RBMS3: variants seen among roughly 807,000 people sequenced by gnomAD.
The protein encoded by RBMS3 is RNA-binding motif, single-stranded-interacting protein 3.
RBMS3 carries 27 observed loss-of-function variants against 66.8 expected under a neutral mutation model. The observed-to-expected ratio is 0.40, with a 90% CI of 0.30 to 0.56. RBMS3 has a LOEUF of 0.56. Among genes scored for constraint, RBMS3 ranks in the 20% least tolerant of loss-of-function variants. The pLI, the probability that RBMS3 is intolerant of heterozygous loss-of-function variation, is 0.40. For synonymous variants in RBMS3, 188 were observed against 183.0 expected (o/e 1.03, Z -0.22); for missense variants, 513 against 549.5 (o/e 0.93, Z 0.66).
intron 4 of RBMS3, among the ~76,000 whole-genome samples, chr3:29,713,189 G>T (rs1265560519): frequency 6.6e-6 from 1 of 151,842 alleles, no homozygotes; most frequent in Admixed American, 6.6e-5. Flanking sequence ...TCAATTGCAT[G>T]AAATTTCTCT....
At chr3:29,823,368 T>C (rs912065488) in intron 6 of RBMS3, among the ~76,000 whole-genome samples, 2 of 152,224 alleles carry the variant, frequency 1.3e-5, no homozygotes, top group Non-Finnish European at 2.9e-5. Context: ...CAGAAATATG[T>C]TTGTGAGATT....
At chr3:29,317,834 C>T (rs985749633) in intron 1 of RBMS3, among the ~76,000 whole-genome samples, 1 of 151,724 alleles carries the variant, frequency 6.6e-6, no homozygotes, top group African/African-American at 2.4e-5. Flanking sequence ...ACTCGTTTCA[C>T]CCACTCATGG....
chr3:29,402,350 C>G (rs549550662), intron 1 of RBMS3, among the ~76,000 whole-genome samples: 3 of 152,134 alleles, frequency 2.0e-5, no homozygotes, highest in African/African-American at 7.2e-5. Flanking sequence ...CAATTGCCCA[C>G]TTTAGAAATC....
intron 4 of RBMS3, among the ~76,000 whole-genome samples, chr3:29,606,284 A>T (rs1369115433): frequency 6.6e-6 from 1 of 151,960 alleles, no homozygotes; most frequent in Non-Finnish European, 1.5e-5. Context: ...TTGGAACCTG[A>T]TTCCCATCAA....
rs959478227 is a variant in RBMS3 at position 30,006,511 on chromosome 3, G to A, written c.*2649G>A. On this transcript the variant is annotated 3_prime_UTR_variant, in exon 15 of 15. Coordinates refer to ENST00000383767, the MANE Select transcript of RBMS3 (RefSeq NM_001003793.3). ...AAATGCTAGATTTATACTGTCTTTT[G>A]TTCCATCCTTCAGCTTCCCATGCAT... is the stretch of plus-strand genomic sequence containing the variant. The A allele has an allele frequency of 6.6e-6, 1 of 151,824 alleles. No homozygotes were observed. The highest frequency in any genetic ancestry group is 1.5e-5 in the Non-Finnish European group (1 of 67,834). The allele number at this position is 151,824 out of a possible 1,614,324, so 9.4% of individuals were successfully genotyped here. A position where few individuals can be genotyped will look rare whatever the true frequency, so the allele number is the denominator to read the frequency against.
intron 6 of RBMS3, among the ~76,000 whole-genome samples, chr3:29,775,407 A>T (rs1223185194): frequency 6.6e-6 from 1 of 151,962 alleles, no homozygotes; most frequent in Non-Finnish European, 1.5e-5. Context: ...ATTGTTTGAC[A>T]GAATATGTGA....
intron 3 of RBMS3, among the ~76,000 whole-genome samples, chr3:29,516,021 G>C (rs907057344): frequency 6.6e-6 from 1 of 152,180 alleles, no homozygotes; most frequent in African/African-American, 2.4e-5. Flanking sequence ...AGTTGAAGAG[G>C]ACATGGACCA....
chr3:29,289,499 T>C (rs906167726), intron 1 of RBMS3, among the ~76,000 whole-genome samples: 5 of 151,878 alleles, frequency 3.3e-5, no homozygotes, highest in Admixed American at 6.6e-5. Flanking sequence ...ATACATCAAA[T>C]GGTTAAAACA....
At chr3:29,461,366 C>T (rs376962299) in intron 2 of RBMS3, among the ~76,000 whole-genome samples, 1 of 152,198 alleles carries the variant, frequency 6.6e-6, no homozygotes, top group Non-Finnish European at 1.5e-5. Flanking sequence ...CCTTGCTCAC[C>T]CTTACCTTTG....
chr3:29,324,245 G>C (rs2125498078), intron 1 of RBMS3, among the ~76,000 whole-genome samples: 1 of 152,268 alleles, frequency 6.6e-6, no homozygotes, highest in Admixed American at 6.5e-5. Context: ...CACTGTGGCT[G>C]AGGGAAGAGG....
chr3:29,286,350 T>C (rs191979650), intron 1 of RBMS3, among the ~76,000 whole-genome samples: 1 of 152,028 alleles, frequency 6.6e-6, no homozygotes, highest in Non-Finnish European at 1.5e-5. Context: ...TTGAACACAA[T>C]CCCAGTGCAT....
At chr3:29,508,728 C>G (rs1052979701) in intron 3 of RBMS3, among the ~76,000 whole-genome samples, 6 of 151,766 alleles carry the variant, frequency 4.0e-5, no homozygotes, top group Non-Finnish European at 7.4e-5. Flanking sequence ...TACGGGATTA[C>G]TGGGTCAAAT....
intron 10 of RBMS3, among the ~76,000 whole-genome samples, chr3:29,933,211 T>C (rs571769447): frequency 3.8e-4 from 58 of 152,316 alleles, no homozygotes; most frequent in Middle Eastern, 3.4e-3. Context: ...GGCTTAAATA[T>C]ATTAAGTTGG....
intron 1 of RBMS3, among the ~76,000 whole-genome samples, chr3:29,294,182 A>G (rs2033057165): frequency 6.6e-6 from 1 of 151,834 alleles, no homozygotes; most frequent in South Asian, 2.1e-4. Flanking sequence ...TGTCTTGTAC[A>G]TTGGTCCATT....
Position 29,731,265 on chromosome 3 carries a change from C to T in RBMS3, c.400-8455C>T, listed in dbSNP as rs9817192. On this transcript the variant is annotated intron_variant, in intron 4 of 14. Transcript: ENST00000383767. ...GCTGACACTGTGCTTACATTATATCCGAAATAAGTAAATGCTTCTTTTTAA... is the reference window on the plus strand; with the variant it reads ...GCTGACACTGTGCTTACATTATATCTGAAATAAGTAAATGCTTCTTTTTAA... 6.6e-3 allele frequency among the ~76,000 whole-genome samples: 1,006 copies of T among 152,248 alleles called. 7 individuals are homozygous for T. Among genetic ancestry groups the T allele is most frequent in the African/African-American group, 0.02 (850 of 41,534 alleles).
At chr3:29,577,716 A>T (rs2047169515) in intron 3 of RBMS3, among the ~76,000 whole-genome samples, 1 of 152,136 alleles carries the variant, frequency 6.6e-6, no homozygotes, top group Admixed American at 6.5e-5. Context: ...TTTAATGTAA[A>T]GTCCCCCAGT....
At chr3:29,983,985 G>T (rs895133210) in intron 12 of RBMS3, among the ~76,000 whole-genome samples, 3 of 152,058 alleles carry the variant, frequency 2.0e-5, no homozygotes, top group African/African-American at 7.2e-5. Context: ...AGTTCTCCTG[G>T]ATAATATCCT....
chr3:29,736,422 T>C (rs1470893964), intron 4 of RBMS3, among the ~76,000 whole-genome samples: 2 of 152,222 alleles, frequency 1.3e-5, no homozygotes, highest in Non-Finnish European at 2.9e-5. Flanking sequence ...CTGCAATGCA[T>C]TCAATACTCA....
intron 5 of RBMS3, among the ~76,000 whole-genome samples, chr3:29,761,258 C>T (rs1475532559): frequency 6.6e-6 from 1 of 152,086 alleles, no homozygotes; most frequent in African/African-American, 2.4e-5. Context: ...GATGCACTCT[C>T]ATCACATGCT....
Sources: allele counts gnomAD v4.1 joint callset (sites outside exome capture counted in the v4.1 genomes callset), GRCh38; gene constraint gnomAD v4.1.1; transcripts MANE v1.5; gene names NCBI Gene and HGNC (gene_info 2026-07-23, HGNC 2026-07-21).